The following RYR3 variants were observed in gnomAD, a reference collection of about 807,000 sequenced individuals.
The protein encoded by RYR3 is brain ryanodine receptor-calcium release channel.
A neutral mutation model predicts 584.3 loss-of-function variants in RYR3; 207 were observed. That is an observed-to-expected ratio of 0.35 (90% CI 0.32 to 0.40). The LOEUF is 0.40. Among genes scored for constraint, RYR3 ranks in the 10% least tolerant of loss-of-function variants. The probability of loss-of-function intolerance (pLI) is 1.00; values close to 1 mark genes in which losing one functional copy is unlikely to be tolerated. For synonymous variants in RYR3, 2,416 were observed against 2,248.5 expected, an observed-to-expected ratio of 1.07 and a Z score of -2.11; for missense variants, 5,616 against 6,089.2, an observed-to-expected ratio of 0.92 and a Z score of 2.59.
chr15:33,557,334 C>G (rs2057132044), intron 10 of RYR3, among the ~76,000 whole-genome samples: 1 of 152,168 alleles, frequency 6.6e-6, no homozygotes, highest in South Asian at 2.1e-4. Flanking sequence ...TAGCGCAATA[C>G]CTAGTTTGAA....
chr15:33,839,415 A>G (rs1222781529), intron 89 of RYR3, among the ~76,000 whole-genome samples: 2 of 152,204 alleles, frequency 1.3e-5, no homozygotes, highest in African/African-American at 4.8e-5. Context: ...GGACATTTTT[A>G]TCCTTGTGAT....
intron 81 of RYR3, among the ~76,000 whole-genome samples, chr15:33,825,378 C>G (rs187664683): frequency 8.1e-4 from 124 of 152,192 alleles, no homozygotes; most frequent in African/African-American, 2.9e-3. Flanking sequence ...TGTTCATGAC[C>G]CCTCTACCTG....
intron 1 of RYR3, among the ~76,000 whole-genome samples, chr15:33,320,407 T>C (rs1255762474): frequency 6.6e-6 from 1 of 152,200 alleles, no homozygotes; most frequent in Non-Finnish European, 1.5e-5. Context: ...AGGGTGTGCA[T>C]TCAACATGTA....
chr15:33,803,949 G>C (rs931477434), intron 69 of RYR3, among the ~76,000 whole-genome samples: 25 of 152,208 alleles, frequency 1.6e-4, no homozygotes, highest in Non-Finnish European at 3.5e-4. Flanking sequence ...AGCAGAAATG[G>C]CAAAGACATC....
intron 85 of RYR3, among the ~76,000 whole-genome samples, chr15:33,828,298 AG>A (rs2077482365): frequency 6.6e-6 from 1 of 152,150 alleles, no homozygotes; most frequent in South Asian, 2.1e-4. Context: ...TATTGAAGTT[AG>A]GTCAGTTAAT....
chr15:33,632,534 T>A (rs2061320860), intron 23 of RYR3, among the ~76,000 whole-genome samples: 1 of 152,248 alleles, frequency 6.6e-6, no homozygotes, highest in Admixed American at 6.5e-5. Flanking sequence ...TATTCTGTGC[T>A]GATTTATAAG....
intron 74 of RYR3, among the ~76,000 whole-genome samples, chr15:33,815,123 T>G (rs2076748997): frequency 6.7e-6 from 1 of 149,036 alleles, no homozygotes. Flanking sequence ...CTCCAACAGA[T>G]CTCTTTCAAG....
At chr15:33,710,928 C>A (rs956768889) in intron 43 of RYR3, among the ~76,000 whole-genome samples, 1 of 152,202 alleles carries the variant, frequency 6.6e-6, no homozygotes, top group East Asian at 1.9e-4. Flanking sequence ...AGCCTCTGGG[C>A]CTATGATGGG....
chr15:33,647,663 G>C (rs866732797), intron 30 of RYR3, among the ~76,000 whole-genome samples: 12 of 152,120 alleles, frequency 7.9e-5, no homozygotes, highest in Admixed American at 6.5e-4. Context: ...CAAAGCAAAA[G>C]CTCTACCTGG....
chr15:33,530,712 A>T, intron 4 of RYR3, 46 bp downstream of exon 4: 2 of 1,404,110 alleles, frequency 1.4e-6, no homozygotes, highest in Non-Finnish European at 2.0e-6. Context: ...GAGAAGGAAA[A>T]ACTGAAGAGG....
chr15:33,464,489 T>TATATATAC (rs1450450145), intron 1 of RYR3, among the ~76,000 whole-genome samples: 7 of 67,432 alleles, frequency 1.0e-4, no homozygotes, highest in African/African-American at 5.0e-4. Context: ...TATATATATA[T>TATATATAC]ACACATATAT....
chr15:33,462,891 G>A (rs2048161458), intron 1 of RYR3, among the ~76,000 whole-genome samples: 1 of 152,084 alleles, frequency 6.6e-6, no homozygotes, highest in African/African-American at 2.4e-5. Flanking sequence ...CTTCAAATAA[G>A]GTTCAGGTCA....
intron 1 of RYR3, among the ~76,000 whole-genome samples, chr15:33,424,769 T>C (rs1242585085): frequency 6.6e-6 from 1 of 152,200 alleles, no homozygotes; most frequent in Non-Finnish European, 1.5e-5. Context: ...ATTTATCTTA[T>C]TTATCATATC....
chr15:33,567,527 G>A (rs1290141336), intron 12 of RYR3, among the ~76,000 whole-genome samples: 1 of 152,144 alleles, frequency 6.6e-6, no homozygotes, highest in African/African-American at 2.4e-5. Flanking sequence ...TGCAGTCCAA[G>A]GGATGTGTAT....
In RYR3 at chr15:33,701,136, A is replaced by G. The variant is rs112626742; in HGVS notation, c.6483+56A>G. ...TTCTCTTCGGCCTGTAGTGCAGCTA[A>G]GCTAAGGATAAGCAGACCACGGATG... is the stretch of plus-strand genomic sequence containing the variant. On this transcript the variant is annotated intron_variant, in intron 42 of 103. Coordinates refer to ENST00000634891, the MANE Select transcript of RYR3 (RefSeq NM_001036.6). 6,744 of 1,171,858 alleles carry G rather than the reference A, an allele frequency of 5.8e-3. 265 individuals carry two copies. In the African/African-American group the frequency reaches 0.088, roughly 15 times the overall value. 72.6% of individuals were successfully genotyped at this position (1,171,858 alleles called of 1,614,324 possible).
chr15:33,466,960 C>T (rs148550718), intron 1 of RYR3, among the ~76,000 whole-genome samples: 13 of 152,288 alleles, frequency 8.5e-5, no homozygotes, highest in African/African-American at 2.2e-4. Context: ...CACAAGTAAA[C>T]GACCTTGTCA....
chr15:33,577,352 AC>A (rs1304701752), intron 12 of RYR3, among the ~76,000 whole-genome samples: 1 of 152,222 alleles, frequency 6.6e-6, no homozygotes, highest in Non-Finnish European at 1.5e-5. Flanking sequence ...GCATCACACT[AC>A]CCAACTTCAA....
At chr15:33,660,641 C>T (rs2063108362) in intron 34 of RYR3, among the ~76,000 whole-genome samples, 1 of 152,224 alleles carries the variant, frequency 6.6e-6, no homozygotes, top group South Asian at 2.1e-4. Flanking sequence ...GCCTTTGTTG[C>T]AGCTCCTAGT....
At chr15:33,533,154 A>G (rs2055027315) in intron 4 of RYR3, among the ~76,000 whole-genome samples, 157 bp from the exon 5 acceptor site, 1 of 152,218 alleles carries the variant, frequency 6.6e-6, no homozygotes, top group African/African-American at 2.4e-5. Context: ...AAAGTATTGT[A>G]TTAAGGCATT....
Sources: allele counts gnomAD v4.1 joint callset (sites outside exome capture counted in the v4.1 genomes callset), GRCh38; gene constraint gnomAD v4.1.1; transcripts MANE v1.5; gene names NCBI Gene and HGNC (gene_info 2026-07-23, HGNC 2026-07-21).